The following ACAN variants were observed in gnomAD, a reference collection of about 807,000 sequenced individuals.
ACAN encodes the protein aggrecan.
ACAN carries 47 observed loss-of-function variants against 169.1 expected under a neutral mutation model. The observed-to-expected ratio is 0.28, with a 90% CI of 0.22 to 0.35. The LOEUF (loss-of-function observed/expected upper bound fraction) is 0.35, where lower values mean the gene tolerates loss of function less well. Among genes scored for constraint, ACAN ranks in the 10% least tolerant of loss-of-function variants. The pLI is 1.00. For missense variants in ACAN, 2,716 were observed against 2,759.9 expected (o/e 0.98, Z 0.36); for synonymous variants, 1,115 against 1,112.2 (o/e 1.00, Z -0.05).
chr15:88,848,168 G>A (rs924175378), intron 9 of ACAN, 130 bp downstream of exon 9: 5 of 1,362,174 alleles, frequency 3.7e-6, no homozygotes, highest in Admixed American at 4.3e-5. Context: ...TTCCAGGTGG[G>A]AAAGGGTCCT....
Position 88,858,384 on chromosome 15 carries a change from T to A in ACAN, c.5799T>A (p.Thr1933=), listed in dbSNP as rs3825994. Residue 1933 remains threonine, a synonymous_variant, in exon 12 of 19, where the codon ACT becomes ACA. Coordinates refer to ENST00000560601, the MANE Select transcript of ACAN (RefSeq NM_001369268.1). The surrounding 1 kb of genome is among the most constrained non-coding windows in gnomAD (Gnocchi z 4.0). The part of the protein sequence containing the change: ...YGSGTPSSFP[T]VSLVDRTLVE... ...GTGGAACTCCATCTAGTTTCCCCAC[T>A]GTCTCTCTTGTAGACAGAACTTTGG... 1.2e-5 allele frequency: 19 copies of A among 1,613,502 alleles called. No individual in the cohort carries two copies. The highest frequency in any genetic ancestry group is 2.2e-5 in the East Asian group (1 of 44,870).
intron 2 of ACAN, 107 bp downstream of exon 2, chr15:88,836,383 C>G (rs995076300): frequency 3.9e-5 from 39 of 1,001,582 alleles, no homozygotes; most frequent in Non-Finnish European, 5.9e-5. Flanking sequence ...ATAATTTCCC[C>G]TTTCCTGGAC....
At chr15:88,805,972 T>C (rs974754741) in intron 1 of ACAN, among the ~76,000 whole-genome samples, 1 of 151,950 alleles carries the variant, frequency 6.6e-6, no homozygotes, top group Admixed American at 6.6e-5. Context: ...GAGAGGGAGC[T>C]CCAAGAGAGA....
rs568517891 is a variant in ACAN, at chr15:88,866,795, G to C, written c.6947-1421G>C. Among the ~76,000 whole-genome samples the C allele has an allele frequency of 2.0e-5, 3 of 152,264 alleles. No homozygotes were observed. The highest frequency in any genetic ancestry group is 2.9e-5 in the Non-Finnish European group (2 of 68,026). ...CATCAGAAGGTTGACTTTAAGGTCT[G>C]GTCTGCTCTTATGGGAGGCAAGAAC... On this transcript the variant is annotated intron_variant, in intron 13 of 18. Transcript: ENST00000560601. The surrounding 1 kb of genome is among the most constrained non-coding windows in gnomAD (Gnocchi z 5.6).
At chr15:88,831,155 G>A (rs1304329852) in intron 1 of ACAN, among the ~76,000 whole-genome samples, 1 of 152,206 alleles carries the variant, frequency 6.6e-6, no homozygotes, top group African/African-American at 2.4e-5. Context: ...ATTTGAAAGA[G>A]ATGCATAAAA....
rs375758859 is a variant in ACAN at position 88,845,695 on chromosome 15, C to T, written c.1242C>T (p.Pro414=). ...AGGTCTCCCCCAGTCCCCTGGAACC[C>T]GAGGAGCCCTTCACGTTTGCCCCTG... ...IFEVSPSPLE[P]EEPFTFAPEI... The change falls in exon 7 of 19, where the codon CCC becomes CCT. Residue 414 remains proline, a synonymous_variant. Coordinates refer to ENST00000560601, the MANE Select transcript of ACAN (RefSeq NM_001369268.1). The T allele has an allele frequency of 2.0e-4, 324 of 1,613,992 alleles. 1 individual carries two copies. The African/African-American group carries it at 3.0e-3, about 15-fold the overall frequency.
intron 1 of ACAN, among the ~76,000 whole-genome samples, chr15:88,830,155 T>A (rs1250865861): frequency 6.6e-6 from 1 of 152,156 alleles, no homozygotes; most frequent in Non-Finnish European, 1.5e-5. Flanking sequence ...GAACATTTCC[T>A]GACCATACCC....
At position 88,870,442 on chromosome 15, in the gene ACAN, A is replaced by G. The variant is rs1674848071; in HGVS notation, c.7061-940A>G. Among the ~76,000 whole-genome samples, 1 of 152,180 alleles carries G rather than the reference A, an allele frequency of 6.6e-6. No homozygotes were observed. The highest frequency in any genetic ancestry group is 2.4e-5 in the African/African-American group (1 of 41,446). On this transcript the variant is annotated intron_variant, in intron 14 of 18. Transcript: ENST00000560601. This position sits in a 1 kb window ranked among gnomAD's most constrained non-coding sequence, Gnocchi z 6.3. ...GATGTTTAACAACCAGCTCTCATAG[A>G]GGAGAAAGGAGCCCTGATTGTAGCA... is the stretch of plus-strand genomic sequence containing the variant.
chr15:88,858,482 G>T lies in ACAN; in HGVS notation c.5897G>T (p.Gly1966Val). 3 of 1,613,740 alleles carry T rather than the reference G, an allele frequency of 1.9e-6. No homozygotes were observed. Among genetic ancestry groups the T allele is most frequent in the Non-Finnish European group, 2.5e-6 (3 of 1,179,888 alleles). Residue 1966 changes from glycine (G) to valine (V), a missense_variant, in exon 12 of 19, where the codon GGT (glycine) becomes GTT (valine). Gly to Val is a moderately radical substitution (Grantham distance 109). Transcript: ENST00000560601. This position sits in a 1 kb window ranked among gnomAD's most constrained non-coding sequence, Gnocchi z 4.0. ...CCTTCTGGCATTTTAGAACTCAGTG[G>T]TGCTCATTCTGGAGCACCAGACATG... Reference protein sequence around the residue: ...EGPSGILELSGAHSGAPDMSG... With the variant: ...EGPSGILELSVAHSGAPDMSG...
rs1896575717 is a variant in ACAN, at chr15:88,838,874, G to A, written c.282G>A (p.Val94=). ...TGCTGGTGGCCACTGAAGGGCGCGT[G>A]CGGGTCAACAGTGCCTATCAGGACA... The part of the protein sequence containing the change: ...VVLLVATEGR[V]RVNSAYQDKV... The change falls in exon 3 of 19, where the codon GTG becomes GTA. Residue 94 remains valine, a synonymous_variant. Transcript: ENST00000560601. This position sits in a 1 kb window ranked among gnomAD's most constrained non-coding sequence, Gnocchi z 5.1. 1 of 1,614,070 alleles carries A rather than the reference G, an allele frequency of 6.2e-7. No individual in the cohort carries two copies. The highest frequency in any genetic ancestry group is 8.5e-7 in the Non-Finnish European group (1 of 1,179,912).
intron 1 of ACAN, among the ~76,000 whole-genome samples, chr15:88,823,173 G>C (rs1267652749): frequency 6.6e-6 from 1 of 152,200 alleles, no homozygotes; most frequent in Non-Finnish European, 1.5e-5. Context: ...TGTCCTGCAG[G>C]GTTGGCAGTC....
chr15:88,809,461 G>T (rs942519921), intron 1 of ACAN, among the ~76,000 whole-genome samples: 6 of 152,200 alleles, frequency 3.9e-5, no homozygotes, highest in Non-Finnish European at 8.8e-5. Context: ...GCCTGTGGGG[G>T]TGCCTTGAAG....
Position 88,872,416 on chromosome 15 carries a change from T to C in ACAN, c.7302+331T>C, listed in dbSNP as rs1266765729. ...TCAAGGAGACAGACAGAAAGCAACA[T>C]AGATGCCAAGTGAATGGTACGGGCA... On this transcript the variant is annotated intron_variant, in intron 16 of 18. Transcript: ENST00000560601. This position sits in a 1 kb window ranked among gnomAD's most constrained non-coding sequence, Gnocchi z 5.4. Among the ~76,000 whole-genome samples, 2 of 152,008 alleles carry C rather than the reference T, an allele frequency of 1.3e-5. No individual in the cohort carries two copies. Among genetic ancestry groups the C allele is most frequent in the African/African-American group, 2.4e-5 (1 of 41,380 alleles).
chr15:88,840,900 T>C (rs899467590), intron 4 of ACAN, among the ~76,000 whole-genome samples: 2 of 152,044 alleles, frequency 1.3e-5, no homozygotes, highest in Admixed American at 6.5e-5. Flanking sequence ...ATCCCAGCAC[T>C]TTGGGAGGCC....
At chr15:88,831,354 G>A (rs1896358053) in intron 1 of ACAN, among the ~76,000 whole-genome samples, 1 of 152,242 alleles carries the variant, frequency 6.6e-6, no homozygotes, top group Non-Finnish European at 1.5e-5. Context: ...GAAGCAGCGT[G>A]TCTCTACCTG....
intron 2 of ACAN, 62 bp downstream of exon 2, chr15:88,836,338 T>G: frequency 7.1e-7 from 1 of 1,410,302 alleles, no homozygotes; most frequent in Admixed American, 1.8e-5. Context: ...GTTTGAGTAC[T>G]GGGTACTGAA....
intron 1 of ACAN, among the ~76,000 whole-genome samples, chr15:88,813,060 G>T (rs1299179672): frequency 6.6e-6 from 1 of 152,160 alleles, no homozygotes; most frequent in Non-Finnish European, 1.5e-5. Flanking sequence ...TATGCTGATG[G>T]ACCTTGGAAA....
intron 1 of ACAN, among the ~76,000 whole-genome samples, chr15:88,826,242 T>C (rs746184999): frequency 4.6e-5 from 7 of 152,158 alleles, no homozygotes; most frequent in Non-Finnish European, 1.0e-4. Context: ...GGCTGAGACA[T>C]AGCCCATTTA....
At chr15:88,847,179 A>G in intron 7 of ACAN, 64 bp from the exon 8 acceptor site, 3 of 1,454,592 alleles carry the variant, frequency 2.1e-6, no homozygotes, top group Non-Finnish European at 2.8e-6. Context: ...CTCTGTGCCC[A>G]TGGAGCCTTG....
Sources: gnomAD v4.1 joint callset for allele counts (sites outside exome capture counted in the v4.1 genomes callset) on GRCh38, gnomAD v4.1.1 for gene constraint, Gnocchi (gnomAD v3.1) non-coding constraint, MANE v1.5 for transcripts, NCBI Gene and HGNC (gene_info 2026-07-23, HGNC 2026-07-21) for gene names.